The following RMST variants were observed in gnomAD, a reference collection of about 807,000 sequenced individuals.
RMST encodes the protein rhabdomyosarcoma 2 associated transcript.
intron 10 of RMST, among the ~76,000 whole-genome samples, chr12:97,513,019 C>G (rs1879558244): frequency 6.6e-6 from 1 of 152,240 alleles, no homozygotes; most frequent in Admixed American, 6.5e-5. Context: ...GGCCTGCCGG[C>G]CGGCCGCTCC....
chr12:97,505,708 C>G (rs1878592488), intron 10 of RMST, among the ~76,000 whole-genome samples: 1 of 152,096 alleles, frequency 6.6e-6, no homozygotes, highest in Non-Finnish European at 1.5e-5. Flanking sequence ...TTTTATGTTT[C>G]TAGAGCTTTC....
intron 10 of RMST, among the ~76,000 whole-genome samples, chr12:97,503,238 G>A (rs558762951): frequency 6.6e-6 from 1 of 152,122 alleles, no homozygotes; most frequent in Admixed American, 6.5e-5. Flanking sequence ...TTTTAAATAG[G>A]ACTTTAGCCT....
At chr12:97,514,882 T>C (rs1879776479) in intron 10 of RMST, among the ~76,000 whole-genome samples, 1 of 152,170 alleles carries the variant, frequency 6.6e-6, no homozygotes, top group Non-Finnish European at 1.5e-5. Flanking sequence ...AAAGTTCTGC[T>C]GCTACACAAA....
chr12:97,529,381 C>T (rs1592748334), intron 10 of RMST, among the ~76,000 whole-genome samples: 1 of 152,000 alleles, frequency 6.6e-6, no homozygotes, highest in African/African-American at 2.4e-5. Context: ...TAATATAGTG[C>T]ACCACAACTG....
At chr12:97,541,781 A>G (rs1260838934) in intron 11 of RMST, among the ~76,000 whole-genome samples, 1 of 151,672 alleles carries the variant, frequency 6.6e-6, no homozygotes, top group East Asian at 1.9e-4. Context: ...TAAGTTTTAT[A>G]TAGGAAACAG....
chr12:97,538,097 A>T (rs967073392), intron 11 of RMST, among the ~76,000 whole-genome samples: 1 of 151,422 alleles, frequency 6.6e-6, no homozygotes, highest in Non-Finnish European at 1.5e-5. Context: ...AAGGTTAGTT[A>T]AACAGGCAGC....
chr12:97,491,185 A>G lies in RMST; in HGVS notation n.645-1276A>G, dbSNP rs147298666. Among the ~76,000 whole-genome samples, 778 of 152,260 alleles carry G rather than the reference A, an allele frequency of 5.1e-3. 7 individuals are homozygous for G. The highest frequency in any genetic ancestry group is 0.018 in the African/African-American group (735 of 41,556). ...GGGTAAGACAGGTTTTATTCCTCCA[A>G]AGCAATTTGGTCGAACTCTGCAGCT... is the stretch of plus-strand genomic sequence containing the variant. On this transcript the variant is annotated intron_variant and non_coding_transcript_variant, in intron 5 of 13. Coordinates refer to ENST00000640149, the Ensembl canonical transcript of RMST.
intron 9 of RMST, among the ~76,000 whole-genome samples, chr12:97,495,427 T>TAA (rs1280635678): frequency 6.6e-6 from 1 of 152,056 alleles, no homozygotes; most frequent in Non-Finnish European, 1.5e-5. Context: ...AAGCTGAACA[T>TAA]AAGTAAAATT....
chr12:97,495,757 A>C (rs1877347170), intron 9 of RMST, among the ~76,000 whole-genome samples: 1 of 152,068 alleles, frequency 6.6e-6, no homozygotes. Context: ...GGGAAGTGGC[A>C]ATTAAGGGAA....
At chr12:97,517,978 T>G (rs574423815) in intron 10 of RMST, among the ~76,000 whole-genome samples, 100 of 152,270 alleles carry the variant, frequency 6.6e-4, no homozygotes, top group African/African-American at 2.4e-3. Context: ...TGAATATTAC[T>G]TAGTCTCTTA....
At chr12:97,476,666 A>G (rs1298358887) in intron 5 of RMST, among the ~76,000 whole-genome samples, 4 of 152,210 alleles carry the variant, frequency 2.6e-5, no homozygotes, top group Non-Finnish European at 5.9e-5. Flanking sequence ...GAATAGGCAA[A>G]TTTGCATAAT....
At chr12:97,498,026 C>T (rs1475354986) in intron 10 of RMST, among the ~76,000 whole-genome samples, 1 of 152,074 alleles carries the variant, frequency 6.6e-6, no homozygotes, top group African/African-American at 2.4e-5. Context: ...GCAGACTAGT[C>T]CAAATTTTTC....
At chr12:97,511,082 G>A (rs1009620629) in intron 10 of RMST, among the ~76,000 whole-genome samples, 1 of 151,706 alleles carries the variant, frequency 6.6e-6, no homozygotes, top group African/African-American at 2.4e-5. Context: ...AGCAGAGGAG[G>A]GAAATTACTT....
At chr12:97,533,070 C>G (rs550102461) in intron 11 of RMST, 2 of 151,724 alleles carry the variant, frequency 1.3e-5, no homozygotes, top group South Asian at 4.1e-4. Context: ...CCATAGCTCT[C>G]GCAAAAGCAT....
At chr12:97,508,873 G>C (rs969803659) in intron 10 of RMST, among the ~76,000 whole-genome samples, 30 of 152,278 alleles carry the variant, frequency 2.0e-4, no homozygotes, top group Admixed American at 1.1e-3. Context: ...CATTGCTTCT[G>C]CTTTTTACTA....
intron 11 of RMST, among the ~76,000 whole-genome samples, chr12:97,534,029 G>C (rs1017177487): frequency 1.3e-5 from 2 of 151,816 alleles, no homozygotes; most frequent in African/African-American, 4.8e-5. Flanking sequence ...CCTCCAGAGA[G>C]TTGGATAATA....
At chr12:97,520,044 A>T (rs909667532) in intron 10 of RMST, among the ~76,000 whole-genome samples, 4 of 152,220 alleles carry the variant, frequency 2.6e-5, no homozygotes, top group African/African-American at 9.6e-5. Flanking sequence ...TTATTTTGAA[A>T]GTTCAAGCGC....
At chr12:97,521,658 A>G (rs1055865474) in intron 10 of RMST, among the ~76,000 whole-genome samples, 7 of 152,128 alleles carry the variant, frequency 4.6e-5, no homozygotes, top group Admixed American at 2.0e-4. Flanking sequence ...GGAGATTTTC[A>G]TCACTATTTT....
chr12:97,501,992 G>T (rs2136481072), intron 10 of RMST, among the ~76,000 whole-genome samples: 1 of 152,244 alleles, frequency 6.6e-6, no homozygotes, highest in East Asian at 1.9e-4. Flanking sequence ...ATGAGTTACG[G>T]TTGATAATGA....
Sources: gnomAD v4.1 joint callset for allele counts (sites outside exome capture counted in the v4.1 genomes callset) on GRCh38, gnomAD v4.1.1 for gene constraint, MANE v1.5 for transcripts, NCBI Gene and HGNC (gene_info 2026-07-23, HGNC 2026-07-21) for gene names.